The following PREX2 variants were observed in gnomAD, a reference collection of about 807,000 sequenced individuals.
PREX2 encodes the protein phosphatidylinositol 3,4,5-trisphosphate-dependent Rac exchanger 2 protein.
In PREX2, 107 loss-of-function variants were observed where a neutral mutation model predicts 203.2. That is an observed-to-expected ratio of 0.53 (90% CI 0.45 to 0.62). PREX2 has a LOEUF of 0.62. PREX2 is among the 20% of genes least tolerant of loss of function. The probability of loss-of-function intolerance (pLI) is 0.00; values close to 1 mark genes in which losing one functional copy is unlikely to be tolerated. For synonymous variants in PREX2, 672 were observed against 663.6 expected (o/e 1.01, Z -0.19); for missense variants, 1,777 against 1,955.9 (o/e 0.91, Z 1.72).
At chr8:68,065,856 A>G (rs1468255129) in intron 11 of PREX2, among the ~76,000 whole-genome samples, 1 of 152,206 alleles carries the variant, frequency 6.6e-6, no homozygotes, top group African/African-American at 2.4e-5. Context: ...TTAGCCTGAA[A>G]AAGAGAAAGC....
At chr8:68,116,644 C>T (rs1019180377) in intron 26 of PREX2, among the ~76,000 whole-genome samples, 2 of 152,140 alleles carry the variant, frequency 1.3e-5, no homozygotes, top group Admixed American at 6.5e-5. Context: ...CATCTTCCCT[C>T]CATATGTGTC....
intron 11 of PREX2, among the ~76,000 whole-genome samples, chr8:68,063,292 TG>T (rs1227623042): frequency 3.9e-5 from 6 of 152,162 alleles, no homozygotes; most frequent in Non-Finnish European, 1.5e-5. Flanking sequence ...TTGTTTTTCG[TG>T]GGTGTGCATA....
At chr8:68,185,264 A>G (rs1416103954) in intron 35 of PREX2, among the ~76,000 whole-genome samples, 1 of 151,966 alleles carries the variant, frequency 6.6e-6, no homozygotes, top group Admixed American at 6.6e-5. Context: ...GTTAATTACA[A>G]ATCTTTGGTT....
intron 12 of PREX2, 21 bp downstream of exon 12, chr8:68,069,157 C>G (rs758869932): frequency 2.7e-6 from 3 of 1,121,994 alleles, no homozygotes; most frequent in Non-Finnish European, 3.9e-6. Context: ...CTCCCACAAC[C>G]TCTCCAATAG....
intron 1 of PREX2, among the ~76,000 whole-genome samples, chr8:68,007,900 C>T (rs13253358): frequency 0.44 from 67,637 of 152,144 alleles, 18,746 homozygotes; most frequent in African/African-American, 0.79. Flanking sequence ...TGAGCCACCG[C>T]GCCCGGCCCT....
chr8:68,129,227 G>C (rs1052844534), intron 31 of PREX2, among the ~76,000 whole-genome samples: 2 of 152,180 alleles, frequency 1.3e-5, no homozygotes, highest in Non-Finnish European at 2.9e-5. Flanking sequence ...ATAAATAGTA[G>C]GTGGCAGTTT....
intron 1 of PREX2, among the ~76,000 whole-genome samples, chr8:67,979,862 A>C (rs975275621): frequency 6.6e-6 from 1 of 152,204 alleles, no homozygotes. Flanking sequence ...CGTGGAGCAG[A>C]TACTACTCTG....
At chr8:68,087,066 G>A (rs1202130276) in intron 18 of PREX2, among the ~76,000 whole-genome samples, 1 of 152,114 alleles carries the variant, frequency 6.6e-6, no homozygotes, top group Non-Finnish European at 1.5e-5. Flanking sequence ...TTAAGTACCT[G>A]TATAGCTCAT....
intron 1 of PREX2, among the ~76,000 whole-genome samples, chr8:67,995,568 G>A (rs187888896): frequency 8.8e-4 from 134 of 152,236 alleles, no homozygotes; most frequent in South Asian, 4.4e-3. Context: ...TATTGTCAAC[G>A]TGAGTGAAAA....
At chr8:68,134,819 CTA>C (rs1811080843) in intron 32 of PREX2, among the ~76,000 whole-genome samples, 1 of 152,136 alleles carries the variant, frequency 6.6e-6, no homozygotes, top group African/African-American at 2.4e-5. Flanking sequence ...GTAGAATATT[CTA>C]TGTTTATGCA....
At chr8:68,203,781 G>A (rs887204772) in intron 37 of PREX2, among the ~76,000 whole-genome samples, 25 of 152,210 alleles carry the variant, frequency 1.6e-4, no homozygotes, top group Non-Finnish European at 2.5e-4. Context: ...TCCACTCAAA[G>A]GTGTCAAATG....
At chr8:68,031,618 T>A (rs1409929453) in intron 6 of PREX2, among the ~76,000 whole-genome samples, 1 of 152,216 alleles carries the variant, frequency 6.6e-6, no homozygotes, top group African/African-American at 2.4e-5. Flanking sequence ...CTCCTGTGAA[T>A]CTTTTAAAAT....
rs1191398305 is a variant in PREX2 at position 68,169,070 on chromosome 8, A to G, written c.4346+11634A>G. 3.9e-5 allele frequency among the ~76,000 whole-genome samples: 6 copies of G among 152,180 alleles called. No homozygotes were observed. The East Asian group carries it at 1.2e-3, about 29-fold the overall frequency. On this transcript the variant is annotated intron_variant, in intron 35 of 39. Transcript: ENST00000288368. ...CTGTGGCCACTTCAGGCACAGCTCT[A>G]TCCAGGGGGATTACAGGTCCTGAAG...
intron 31 of PREX2, among the ~76,000 whole-genome samples, chr8:68,128,535 G>C (rs974355286): frequency 6.6e-6 from 1 of 152,134 alleles, no homozygotes; most frequent in African/African-American, 2.4e-5. Context: ...AGGCACAGGT[G>C]ATCTAGGGTG....
At chr8:68,151,364 T>G (rs550833194) in intron 34 of PREX2, among the ~76,000 whole-genome samples, 70 of 152,070 alleles carry the variant, frequency 4.6e-4, no homozygotes, top group South Asian at 1.7e-3. Context: ...CTGTAGTGAA[T>G]TATGATAGCA....
At chr8:68,118,143 C>G (rs1468702615) in intron 26 of PREX2, among the ~76,000 whole-genome samples, 2 of 152,122 alleles carry the variant, frequency 1.3e-5, no homozygotes, top group Non-Finnish European at 2.9e-5. Context: ...ATCACAAGGT[C>G]AGGAGATGGA....
At chr8:68,091,158 T>G (rs1809862289) in intron 20 of PREX2, among the ~76,000 whole-genome samples, 1 of 152,206 alleles carries the variant, frequency 6.6e-6, no homozygotes, top group Non-Finnish European at 1.5e-5. Context: ...CATGATTGAT[T>G]TTGAGGTATA....
intron 5 of PREX2, among the ~76,000 whole-genome samples, chr8:68,030,129 G>A (rs1191105416): frequency 6.6e-6 from 1 of 151,980 alleles, no homozygotes; most frequent in Non-Finnish European, 1.5e-5. Flanking sequence ...TTGTTATTCT[G>A]TTAAAGACCC....
At chr8:68,103,427 T>C (rs886525226) in intron 23 of PREX2, 2 of 463,826 alleles carry the variant, frequency 4.3e-6, no homozygotes, top group African/African-American at 2.0e-5. Context: ...ACGAATTAGC[T>C]ACCAATGCAT....
Sources: gnomAD v4.1 joint callset for allele counts (sites outside exome capture counted in the v4.1 genomes callset) on GRCh38, gnomAD v4.1.1 for gene constraint, MANE v1.5 for transcripts, NCBI Gene and HGNC (gene_info 2026-07-23, HGNC 2026-07-21) for gene names.